The following NOX4 variants were observed in gnomAD, a reference collection of about 807,000 sequenced individuals.
The protein encoded by NOX4 is kidney oxidase-1.
In NOX4, 69 loss-of-function variants were observed where a neutral mutation model predicts 87.6. The ratio of observed to expected loss-of-function variants is 0.79; its 90% CI spans 0.65 to 0.96. NOX4 has a LOEUF of 0.96. Ranked by LOEUF, NOX4 falls within the 40% of genes least tolerant of loss-of-function variation. The probability of loss-of-function intolerance (pLI) is 0.00; values close to 1 mark genes in which losing one functional copy is unlikely to be tolerated. For synonymous variants in NOX4, 275 were observed against 238.2 expected (o/e 1.15, Z -1.42); for missense variants, 680 against 681.5 (o/e 1.00, Z 0.02).
chr11:89,344,128 AATATT>A (rs1440049354), intron 13 of NOX4, among the ~76,000 whole-genome samples: 1 of 149,824 alleles, frequency 6.7e-6, no homozygotes, highest in Non-Finnish European at 1.5e-5. Flanking sequence ...TAATATAATA[AATATT>A]ATATTATTAT....
rs1288863246 is a variant in NOX4 at position 89,355,050 on chromosome 11, A to G, written c.1136-7T>C. The G allele has an allele frequency of 1.9e-6, 3 of 1,576,626 alleles. No homozygotes were observed. Among genetic ancestry groups the G allele is most frequent in the South Asian group, 1.1e-5 (1 of 88,922 alleles). ...AGTAAATCTCGAAATCGTTCTGTCA[A>G]AAGAAAAATAAACATCAAGCTGTGA... On this transcript the variant is annotated splice_region_variant and splice_polypyrimidine_tract_variant and intron_variant, in intron 12 of 17. Coordinates refer to ENST00000263317, the MANE Select transcript of NOX4 (RefSeq NM_016931.5).
chr11:89,446,328 C>T (rs1367968969), intron 4 of NOX4, among the ~76,000 whole-genome samples: 2 of 152,066 alleles, frequency 1.3e-5, no homozygotes, highest in East Asian at 1.9e-4. Context: ...ACTACACATA[C>T]TCTTACCACA....
At chr11:89,395,396 G>T (rs1288406988) in intron 11 of NOX4, among the ~76,000 whole-genome samples, 2 of 152,144 alleles carry the variant, frequency 1.3e-5, no homozygotes, top group Non-Finnish European at 2.9e-5. Context: ...GTAGATTCTG[G>T]ATATTAGCTC....
intron 8 of NOX4, among the ~76,000 whole-genome samples, chr11:89,403,569 G>A (rs1353228142): frequency 6.6e-6 from 1 of 151,868 alleles, no homozygotes; most frequent in Non-Finnish European, 1.5e-5. Context: ...GAGAAGCCCC[G>A]TCTCTACTAA....
chr11:89,567,716 C>T, the NOX4 span, among the ~76,000 whole-genome samples: 5 of 152,164 alleles, frequency 3.3e-5, no homozygotes, highest in East Asian at 1.9e-4. Flanking sequence ...TGAGGTCCCT[C>T]CCCCAACCAG....
chr11:89,525,388 A>ATTATT, the NOX4 span, among the ~76,000 whole-genome samples: 1 of 152,036 alleles, frequency 6.6e-6, no homozygotes, highest in African/African-American at 2.4e-5. Flanking sequence ...ATTTGGTATT[A>ATTATT]TTATTTTTTT....
At chr11:89,491,077 C>T in intron 1 of NOX4, 113 bp downstream of exon 1, 2 of 1,075,070 alleles carry the variant, frequency 1.9e-6, no homozygotes, top group Non-Finnish European at 2.8e-6. Flanking sequence ...TGAGAATGTT[C>T]GAATTAAGAC....
chr11:89,522,999 G>A, the NOX4 span, among the ~76,000 whole-genome samples: 3 of 152,168 alleles, frequency 2.0e-5, no homozygotes, highest in East Asian at 3.9e-4. Flanking sequence ...CCCAATAAGT[G>A]GGAAAGTACA....
chr11:89,587,172 A>G, the NOX4 span, among the ~76,000 whole-genome samples: 4 of 152,228 alleles, frequency 2.6e-5, no homozygotes, highest in African/African-American at 9.6e-5. Flanking sequence ...TGAATTCAAG[A>G]CAAATGCCAG....
At chr11:89,493,721 T>TTTTTTTATTA (rs372046431), upstream of NOX4, among the ~76,000 whole-genome samples, 577 of 142,278 alleles carry the variant, frequency 4.1e-3, 2 homozygotes, top group African/African-American at 0.012. Context: ...GCCAGATTGT[T>TTTTTTTATTA]TTATTATTAT....
the NOX4 span, among the ~76,000 whole-genome samples, chr11:89,536,430 G>C: frequency 2.0e-5 from 3 of 152,010 alleles, no homozygotes; most frequent in African/African-American, 7.2e-5. Flanking sequence ...ACAGGCGTGA[G>C]CCACCTTGCC....
At chr11:89,380,805 A>G (rs1373424647) in intron 11 of NOX4, among the ~76,000 whole-genome samples, 1 of 152,154 alleles carries the variant, frequency 6.6e-6, no homozygotes, top group Non-Finnish European at 1.5e-5. Flanking sequence ...AATTTTCACC[A>G]CTTTGCTTCA....
chr11:89,548,124 A>G, the NOX4 span: 1 of 152,056 alleles, frequency 6.6e-6, no homozygotes, highest in Non-Finnish European at 1.5e-5. Context: ...GAAAATGAAA[A>G]CATACAGTGC....
chr11:89,359,845 G>C (rs556094006), intron 12 of NOX4, among the ~76,000 whole-genome samples: 1 of 152,152 alleles, frequency 6.6e-6, no homozygotes, highest in Admixed American at 6.5e-5. Context: ...TTCTAAGAGA[G>C]ACAGTATTTC....
intron 8 of NOX4, among the ~76,000 whole-genome samples, chr11:89,406,199 A>C (rs1664713193): frequency 6.6e-6 from 1 of 152,114 alleles, no homozygotes; most frequent in African/African-American, 2.4e-5. Flanking sequence ...TTTCTAAAGA[A>C]TATTGAAAAG....
chr11:89,433,169 T>A (rs150392592), intron 6 of NOX4, among the ~76,000 whole-genome samples: 88 of 152,246 alleles, frequency 5.8e-4, no homozygotes, highest in African/African-American at 2.1e-3. Flanking sequence ...TATTACTTTG[T>A]GTTGGGAACA....
the NOX4 span, among the ~76,000 whole-genome samples, chr11:89,563,631 A>T: frequency 1.3e-5 from 2 of 152,120 alleles, no homozygotes; most frequent in African/African-American, 4.8e-5. Context: ...GAGTCTTTAA[A>T]TTTTTTATGA....
Position 89,400,310 on chromosome 11 carries a change from T to G in NOX4, c.916A>C (p.Asn306His), listed in dbSNP as rs780845529. ...ACCGAAATGATGGTGACTGGCTTAT[T>G]GCTCCGGATATACCTGTAAAGTCTT... ...AERLYRYIRSNKPVTIISVMS... is the reference protein window; with the variant it reads ...AERLYRYIRSHKPVTIISVMS... Residue 306 changes from asparagine to histidine, a missense_variant, in exon 10 of 18, where the codon AAT becomes CAT. By Grantham distance (68) the Asn-to-His change is moderately conservative (BLOSUM62 1). Transcript: ENST00000263317. 1 of 1,613,000 alleles carries G rather than the reference T, an allele frequency of 6.2e-7. No homozygotes were observed. The highest frequency in any genetic ancestry group is 8.5e-7 in the Non-Finnish European group (1 of 1,179,338).
At position 89,421,294 on chromosome 11, in the gene NOX4, T is replaced by G. The variant is rs111305100; in HGVS notation, c.629+608A>C. Among the ~76,000 whole-genome samples, 139 of 152,314 alleles carry G rather than the reference T, an allele frequency of 9.1e-4. 1 individual carries two copies. The highest frequency in any genetic ancestry group is 2.9e-3 in the African/African-American group (120 of 41,576). ...ACATTATTTTCTTCATCTATCTTCATGTATTGTTTTAAGCACCATGTTTTT... is the reference window on the plus strand; with the variant it reads ...ACATTATTTTCTTCATCTATCTTCAGGTATTGTTTTAAGCACCATGTTTTT... On this transcript the variant is annotated intron_variant, in intron 8 of 17. Coordinates refer to ENST00000263317, the MANE Select transcript of NOX4 (RefSeq NM_016931.5).
Sources: allele counts gnomAD v4.1 joint callset (sites outside exome capture counted in the v4.1 genomes callset), GRCh38; gene constraint gnomAD v4.1.1; transcripts MANE v1.5; gene names NCBI Gene and HGNC (gene_info 2026-07-23, HGNC 2026-07-21).